Variants in SMG7 observed in about 807,000 individuals in gnomAD.
SMG7 encodes the protein nonsense-mediated mRNA decay factor SMG7.
A neutral mutation model predicts 148.2 loss-of-function variants in SMG7; 34 were observed. The ratio of observed to expected loss-of-function variants is 0.23; its 90% CI spans 0.17 to 0.31. SMG7 has a LOEUF of 0.31. SMG7 is among the 10% of genes least tolerant of loss of function. SMG7 has a pLI of 1.00. For missense variants in SMG7, 1,114 were observed against 1,408.4 expected, an observed-to-expected ratio of 0.79 and a Z score of 3.35; for synonymous variants, 492 against 515.1, an observed-to-expected ratio of 0.96 and a Z score of 0.61.
In SMG7 at chr1:183,529,058, T is replaced by G; in HGVS notation, c.707+16T>G. On this transcript the variant is annotated intron_variant, in intron 7 of 22. Coordinates refer to ENST00000688051, the MANE Select transcript of SMG7 (RefSeq NM_001375584.1). ...CACTGGAAAGGTAGGGTTGTTTGGTTTTTTTTTTCTCTTTCCAAGAGGACT... is the reference window on the plus strand; with the variant it reads ...CACTGGAAAGGTAGGGTTGTTTGGTGTTTTTTTTCTCTTTCCAAGAGGACT... 6.3e-7 allele frequency: 1 copy of G among 1,581,650 alleles called. No homozygotes were observed. The highest frequency in any genetic ancestry group is 8.5e-7 in the Non-Finnish European group (1 of 1,169,808).
intron 7 of SMG7, 147 bp from the exon 8 acceptor site, chr1:183,529,251 A>G: frequency 1.1e-6 from 1 of 941,074 alleles, no homozygotes; most frequent in Non-Finnish European, 1.6e-6. Context: ...GGCTGTTAAT[A>G]CTGACTCATC....
chr1:183,509,648 G>T (rs1027007364), intron 1 of SMG7, among the ~76,000 whole-genome samples: 4 of 152,096 alleles, frequency 2.6e-5, no homozygotes, highest in African/African-American at 9.7e-5. Context: ...GCTAATAAAA[G>T]TAATTAACTT....
intron 1 of SMG7, among the ~76,000 whole-genome samples, chr1:183,479,279 A>G (rs1414566822): frequency 6.6e-6 from 1 of 152,208 alleles, no homozygotes; most frequent in African/African-American, 2.4e-5. Flanking sequence ...CTTATTGACG[A>G]CTTGGTCCAG....
chr1:183,545,184 C>T lies in SMG7; in HGVS notation c.2242C>T (p.Pro748Ser). 6.2e-7 allele frequency: 1 copy of T among 1,614,156 alleles called. No individual in the cohort carries two copies. Among genetic ancestry groups the T allele is most frequent in the Non-Finnish European group, 8.5e-7 (1 of 1,180,020 alleles). Residue 748 changes from proline (P) to serine (S), a missense_variant, in exon 16 of 23, where the codon CCA (proline) becomes TCA (serine). Physicochemically the swap from Pro to Ser is moderately conservative, Grantham distance 74 (BLOSUM62 -1). Coordinates refer to ENST00000688051, the MANE Select transcript of SMG7 (RefSeq NM_001375584.1). The stretch of plus-strand genomic sequence containing the variant: ...TTCCCAGCAACCCCTTACATCTTTA[C>T]CAGCTCAGCCAACAGCACAGTCTAC... Reference protein sequence around the residue: ...PPSQQPLTSLPAQPTAQSTSQ... With the variant: ...PPSQQPLTSLSAQPTAQSTSQ...
intron 2 of SMG7, among the ~76,000 whole-genome samples, chr1:183,513,928 G>A (rs1662827306): frequency 6.6e-6 from 1 of 151,220 alleles, no homozygotes; most frequent in African/African-American, 2.4e-5. Context: ...TACTCTGGAG[G>A]CTGAGGCAGG....
At chr1:183,517,328 G>C (rs912248015) in intron 3 of SMG7, among the ~76,000 whole-genome samples, 1 of 152,122 alleles carries the variant, frequency 6.6e-6, no homozygotes, top group Non-Finnish European at 1.5e-5. Flanking sequence ...CATCACATTT[G>C]GCACTATATG....
intron 1 of SMG7, among the ~76,000 whole-genome samples, chr1:183,492,435 T>G (rs1657291706): frequency 6.6e-6 from 1 of 152,258 alleles, no homozygotes; most frequent in African/African-American, 2.4e-5. Flanking sequence ...TTCCTTTGAC[T>G]ACTATACTGT....
intron 8 of SMG7, 142 bp downstream of exon 8, chr1:183,529,675 G>A: frequency 1.6e-6 from 1 of 644,622 alleles, no homozygotes; most frequent in Non-Finnish European, 2.6e-6. Flanking sequence ...TGAAATCTTT[G>A]CATTTATCAT....
intron 18 of SMG7, among the ~76,000 whole-genome samples, chr1:183,548,389 T>C (rs116564792): frequency 0.012 from 1,790 of 152,332 alleles, 14 homozygotes; most frequent in Non-Finnish European, 0.019. Flanking sequence ...AGGGTAGTGC[T>C]TCTCTGTCCA....
At chr1:183,486,550 A>G (rs556042994) in intron 1 of SMG7, among the ~76,000 whole-genome samples, 2 of 152,272 alleles carry the variant, frequency 1.3e-5, no homozygotes, top group South Asian at 4.1e-4. Flanking sequence ...AGCTGGGATT[A>G]CAGGCGCCCG....
chr1:183,543,476 G>C (rs1669309642), intron 14 of SMG7, among the ~76,000 whole-genome samples: 2 of 151,360 alleles, frequency 1.3e-5, no homozygotes, highest in South Asian at 2.1e-4. Flanking sequence ...AGAGATGCTA[G>C]GGAAAGGCAA....
In SMG7 at chr1:183,533,784, G is replaced by A; in HGVS notation, c.1115G>A (p.Arg372Lys). 6.2e-7 allele frequency: 1 copy of A among 1,613,710 alleles called. No homozygotes were observed. The highest frequency in any genetic ancestry group is 8.5e-7 in the Non-Finnish European group (1 of 1,179,742). ...GTCAAGGTCTCCATGGACTGGCTAA[G>A]ACTCAGACCCAGGGTCTTTCAGGAG... is the stretch of plus-strand genomic sequence containing the variant. ...PAVKVSMDWLRLRPRVFQEAV... is the reference protein window; with the variant it reads ...PAVKVSMDWLKLRPRVFQEAV... Residue 372 changes from arginine (R) to lysine (K), a missense_variant, in exon 10 of 23, where the codon AGA becomes AAA. Physicochemically the swap from Arg to Lys is conservative, Grantham distance 26. Around this residue, in one of 4 missense-constraint regions of SMG7, gnomAD observed 102 missense variants for 147.2 expected, o/e 0.69. Transcript: ENST00000688051.
At chr1:183,512,997 A>G (rs1024341615) in intron 2 of SMG7, 129 bp downstream of exon 2, 3 of 762,940 alleles carry the variant, frequency 3.9e-6, no homozygotes, top group Admixed American at 6.6e-5. Context: ...ATCATTTACT[A>G]TCTGCTTTAA....
Position 183,551,871 on chromosome 1 carries a change from G to A in SMG7, c.3504G>A (p.Leu1168=), listed in dbSNP as rs766687905. 30 of 1,613,756 alleles carry A rather than the reference G, an allele frequency of 1.9e-5. No individual in the cohort carries two copies. Among genetic ancestry groups the A allele is most frequent in the Non-Finnish European group, 2.5e-5 (29 of 1,179,870 alleles). The part of the protein sequence containing the change: ...MHPGPSALEQ[L]LMQQKQKQQR... ...CTGGACCTTCTGCTCTGGAGCAGCT[G>A]TTAATGCAGCAGAAGCAGAAACAGC... The change falls in exon 23 of 23, where the codon CTG becomes CTA. Residue 1168 remains leucine, a synonymous_variant. Transcript: ENST00000688051.
chr1:183,545,277 G>A lies in SMG7; in HGVS notation c.2335G>A (p.Gly779Arg), dbSNP rs1210500077. 6.2e-7 allele frequency: 1 copy of A among 1,612,204 alleles called. No homozygotes were observed. The highest frequency in any genetic ancestry group is 1.7e-5 in the Admixed American group (1 of 59,992). The change falls in exon 16 of 23, where the codon GGG (glycine) becomes AGG (arginine). Residue 779 changes from glycine (G) to arginine (R), a missense_variant. Gly to Arg is a moderately radical substitution (Grantham distance 125). Coordinates refer to ENST00000688051, the MANE Select transcript of SMG7 (RefSeq NM_001375584.1). ...CCCTACAAAAGCTGTGCCGGCTTTGGGGAAAAGCCCGCCTCACCACTCTGG... is the reference window on the plus strand; with the variant it reads ...CCCTACAAAAGCTGTGCCGGCTTTGAGGAAAAGCCCGCCTCACCACTCTGG... ...QSPTKAVPAL[G>R]KSPPHHSGFQ...
intron 1 of SMG7, chr1:183,502,114 A>G (rs1659860610): frequency 1.8e-6 from 1 of 543,500 alleles, no homozygotes; most frequent in African/African-American, 1.9e-5. Context: ...GAAACATTAA[A>G]CAAAAAAAGA....
Position 183,516,337 on chromosome 1 carries a change from G to A in SMG7, c.179+346G>A, listed in dbSNP as rs1157835403. On this transcript the variant is annotated intron_variant, in intron 3 of 22. Transcript: ENST00000688051. ...GCCGCGATTTAAAAAAAAAATACAA[G>A]AATAGGCTTTAGAAAAATCTTTCTT... 3.3e-5 allele frequency among the ~76,000 whole-genome samples: 5 copies of A among 151,998 alleles called. No individual in the cohort carries two copies. In the East Asian group the frequency reaches 9.6e-4, roughly 29 times the overall value.
rs920874984 is a variant in SMG7 at position 183,530,853 on chromosome 1, A to T, written c.843+1320A>T. 1.7e-4 allele frequency among the ~76,000 whole-genome samples: 26 copies of T among 152,058 alleles called. 2 individuals are homozygous for T. Among genetic ancestry groups the T allele is most frequent in the Non-Finnish European group, 1.5e-5 (1 of 67,964 alleles). ...TCTGGTTCTGTGAAATACTCTCTAA[A>T]TTGGTGGTGGTGGGTGGTCCCTACC... is the stretch of plus-strand genomic sequence containing the variant. On this transcript the variant is annotated intron_variant, in intron 8 of 22. Transcript: ENST00000688051.
chr1:183,531,431 C>G (rs762510905), intron 8 of SMG7, among the ~76,000 whole-genome samples: 11 of 152,070 alleles, frequency 7.2e-5, no homozygotes, highest in Non-Finnish European at 1.6e-4. Flanking sequence ...TGACTTTATT[C>G]CTTGGAAGAC....
Sources: gnomAD v4.1 joint callset for allele counts (sites outside exome capture counted in the v4.1 genomes callset) on GRCh38, gnomAD v4.1.1 for gene constraint, gnomAD v4.1.1 regional missense constraint, MANE v1.5 for transcripts, NCBI Gene and HGNC (gene_info 2026-07-23, HGNC 2026-07-21) for gene names.